IL1RAPL1: variants seen among roughly 807,000 people sequenced by gnomAD.
IL1RAPL1 encodes the protein interleukin 1 receptor accessory protein like 1, also known as interleukin-1 receptor accessory protein-like 1.
IL1RAPL1 carries 3 observed loss-of-function variants against 48.4 expected under a neutral mutation model. That is an observed-to-expected ratio of 0.06 (90% CI 0.03 to 0.16). IL1RAPL1 has a LOEUF of 0.16. Ranked by LOEUF, IL1RAPL1 falls within the 10% of genes least tolerant of loss-of-function variation. The pLI, the probability that IL1RAPL1 is intolerant of heterozygous loss-of-function variation, is 1.00. For synonymous variants in IL1RAPL1, 185 were observed against 187.7 expected (o/e 0.99, Z 0.12); for missense variants, 349 against 530.6 (o/e 0.66, Z 3.36).
chrX:29,240,216 A>T (rs1175832746), intron 2 of IL1RAPL1, among the ~76,000 whole-genome samples: 30 of 27,043 alleles, frequency 1.1e-3, no homozygotes, highest in East Asian at 8.2e-3. Flanking sequence ...ATATATATAT[A>T]TATATATATT....
At chrX:29,042,624 T>C (rs1926871445) in intron 2 of IL1RAPL1, among the ~76,000 whole-genome samples, 1 of 111,761 alleles carries the variant, frequency 8.9e-6, no homozygotes, top group South Asian at 3.7e-4. Flanking sequence ...TTATTCATCT[T>C]TTGTAGGAAA....
chrX:29,170,950 G>A (rs1929895457), intron 2 of IL1RAPL1, among the ~76,000 whole-genome samples: 2 of 111,009 alleles, frequency 1.8e-5, no homozygotes, highest in Non-Finnish European at 3.8e-5. Flanking sequence ...TATATGGATG[G>A]TGGTTTACTT....
chrX:28,594,361 T>G (rs1448888026), intron 1 of IL1RAPL1, among the ~76,000 whole-genome samples: 2 of 112,115 alleles, frequency 1.8e-5, no homozygotes, highest in Non-Finnish European at 3.8e-5. Flanking sequence ...AATTTAAAAT[T>G]GGTTGATTTT....
intron 1 of IL1RAPL1, chrX:28,659,518 CGGCGAGCTAGAGGCGGCGCTGGCTAGA>C (rs1471812775): frequency 5.0e-4 from 231 of 465,349 alleles, no homozygotes; most frequent in African/African-American, 4.9e-3. Context: ...GGCTGGAGCT[CGGCGAGCTAGAGGCGGCGCTGGCTAGA>C]GGCGAGCTAG....
intron 5 of IL1RAPL1, among the ~76,000 whole-genome samples, chrX:29,411,241 T>A (rs769302874): frequency 7.3e-4 from 82 of 111,960 alleles, no homozygotes; most frequent in Non-Finnish European, 1.4e-3. Context: ...TCTAAAAATG[T>A]CAGGTACTAG....
At chrX:29,753,578 C>T (rs1184733202) in intron 6 of IL1RAPL1, among the ~76,000 whole-genome samples, 1 of 111,696 alleles carries the variant, frequency 9.0e-6, no homozygotes, top group Non-Finnish European at 1.9e-5. Flanking sequence ...CACTTATAGA[C>T]TTCATGTAAA....
intron 2 of IL1RAPL1, among the ~76,000 whole-genome samples, chrX:29,250,064 G>A (rs982425696): frequency 1.8e-5 from 2 of 111,569 alleles, no homozygotes; most frequent in East Asian, 2.8e-4. Context: ...AGAAAATTAT[G>A]TATAAGCTAA....
At chrX:28,733,174 CAG>C (rs1001737136) in intron 1 of IL1RAPL1, among the ~76,000 whole-genome samples, 5 of 110,023 alleles carry the variant, frequency 4.5e-5, no homozygotes, top group East Asian at 5.7e-4. Context: ...GTAACAGAAA[CAG>C]AGAAAATGCT....
intron 2 of IL1RAPL1, among the ~76,000 whole-genome samples, chrX:28,846,960 C>A (rs1470916191): frequency 9.0e-6 from 1 of 111,185 alleles, no homozygotes; most frequent in East Asian, 2.8e-4. Flanking sequence ...TGGCAATTCC[C>A]AAATTTTCAT....
chrX:29,501,768 T>G (rs1158318981), intron 5 of IL1RAPL1, among the ~76,000 whole-genome samples: 6 of 107,533 alleles, frequency 5.6e-5, no homozygotes, highest in Non-Finnish European at 1.1e-4. Flanking sequence ...TTTGTTCATT[T>G]TGCTCAGGAT....
intron 5 of IL1RAPL1, among the ~76,000 whole-genome samples, chrX:29,541,850 C>T (rs1391841769): frequency 2.7e-5 from 3 of 110,386 alleles, no homozygotes; most frequent in African/African-American, 9.9e-5. Flanking sequence ...GTGAGAGGAT[C>T]GTTAAAACCC....
intron 1 of IL1RAPL1, among the ~76,000 whole-genome samples, chrX:28,664,827 T>C (rs751937391): frequency 8.9e-6 from 1 of 111,775 alleles, no homozygotes; most frequent in South Asian, 3.7e-4. Context: ...TTACACAACA[T>C]TGTAGTTACT....
intron 6 of IL1RAPL1, among the ~76,000 whole-genome samples, chrX:29,907,543 T>TG (rs1397205661): frequency 8.9e-6 from 1 of 111,894 alleles, no homozygotes; most frequent in Admixed American, 9.6e-5. Context: ...GATAACTCAT[T>TG]GCCTGGAGTT....
chrX:29,508,983 G>T (rs986246289), intron 5 of IL1RAPL1, among the ~76,000 whole-genome samples: 1 of 111,904 alleles, frequency 8.9e-6, no homozygotes, highest in Non-Finnish European at 1.9e-5. Flanking sequence ...CATTTACTAA[G>T]TACTTGCAAT....
chrX:29,323,285 A>G (rs1932816015), intron 3 of IL1RAPL1, among the ~76,000 whole-genome samples: 1 of 111,014 alleles, frequency 9.0e-6, no homozygotes, highest in Non-Finnish European at 1.9e-5. Context: ...ACTTCATGCT[A>G]ATCTACTGTA....
At chrX:29,584,288 C>G (rs930204703) in intron 5 of IL1RAPL1, among the ~76,000 whole-genome samples, 1 of 111,636 alleles carries the variant, frequency 9.0e-6, no homozygotes, top group Non-Finnish European at 1.9e-5. Flanking sequence ...TTTCTCTTCT[C>G]TACTGAATAT....
intron 6 of IL1RAPL1, among the ~76,000 whole-genome samples, chrX:29,687,228 T>G (rs1926649800): frequency 8.9e-6 from 1 of 112,186 alleles, no homozygotes; most frequent in African/African-American, 3.2e-5. Context: ...CTATCCACAA[T>G]AGCCTGGATA....
At chrX:29,412,078 C>G (rs1934150608) in intron 5 of IL1RAPL1, among the ~76,000 whole-genome samples, 1 of 111,042 alleles carries the variant, frequency 9.0e-6, no homozygotes, top group Non-Finnish European at 1.9e-5. Context: ...CAAGACCAGC[C>G]TGGCCAACAT....
chrX:29,921,522 A>ATGAT (rs1440750606), intron 8 of IL1RAPL1, among the ~76,000 whole-genome samples: 1 of 112,246 alleles, frequency 8.9e-6, no homozygotes, highest in Non-Finnish European at 1.9e-5. Flanking sequence ...AGCTAACAAT[A>ATGAT]TGATTGTATC....
Sources: gnomAD v4.1 joint callset for allele counts (sites outside exome capture counted in the v4.1 genomes callset) on GRCh38, gnomAD v4.1.1 for gene constraint, MANE v1.5 for transcripts, NCBI Gene and HGNC (gene_info 2026-07-23, HGNC 2026-07-21) for gene names.